The following DENND3 variants were observed in gnomAD, a reference collection of about 807,000 sequenced individuals.
DENND3 encodes the protein DENN domain containing 3.
In DENND3, 88 loss-of-function variants were observed where a neutral mutation model predicts 135.1. The ratio of observed to expected loss-of-function variants is 0.65; its 90% CI spans 0.55 to 0.78. DENND3 has a LOEUF of 0.78. DENND3 is among the 30% of genes least tolerant of loss of function. DENND3 has a pLI of 0.00. For missense variants in DENND3, 1,392 were observed against 1,688.4 expected, an observed-to-expected ratio of 0.82 and a Z score of 3.08; for synonymous variants, 693 against 712.3, an observed-to-expected ratio of 0.97 and a Z score of 0.43.
intron 22 of DENND3, 127 bp from the exon 23 acceptor site, chr8:141,193,906 A>G (rs1312505650): frequency 2.8e-6 from 3 of 1,082,142 alleles, no homozygotes; most frequent in Non-Finnish European, 1.3e-6. Flanking sequence ...CTCAGGCGGC[A>G]GAGGCCCTGT....
Position 141,182,186 on chromosome 8 carries a change from C to T in DENND3, c.2944+1332C>T, listed in dbSNP as rs1319496065. The T allele has an allele frequency of 2.6e-6, 1 of 391,562 alleles. No individual in the cohort carries two copies. The highest frequency in any genetic ancestry group is 2.2e-5 in the African/African-American group (1 of 45,616). The allele number at this position is 391,562 out of a possible 1,614,324, so 24.3% of individuals were successfully genotyped here. A position where few individuals can be genotyped will look rare whatever the true frequency, so the allele number is the denominator to read the frequency against. ...GTCAGGGATGCAGATGTAGGTGTCACCCCCTCTCACAGGCCATGTCCGCGG... is the reference window on the plus strand; with the variant it reads ...GTCAGGGATGCAGATGTAGGTGTCATCCCCTCTCACAGGCCATGTCCGCGG... On this transcript the variant is annotated intron_variant, in intron 17 of 22. Coordinates refer to ENST00000519811, the MANE Select transcript of DENND3 (RefSeq NM_001352890.3). The surrounding 1 kb of genome is among the most constrained non-coding windows in gnomAD (Gnocchi z 5.9).
At position 141,150,844 on chromosome 8, in the gene DENND3, T is replaced by C; in HGVS notation, c.746T>C (p.Met249Thr). 1 of 1,601,164 alleles carries C rather than the reference T, an allele frequency of 6.2e-7. No homozygotes were observed. Among genetic ancestry groups the C allele is most frequent in the Non-Finnish European group, 8.5e-7 (1 of 1,175,900 alleles). ...PPGPLHLVFN[M>T]KSLQIVLPAR... ...AACTGGTTGTCGTAGGTATTTAACA[T>C]GAAGTCGCTCCAGATTGTGTTACCT... The change falls in exon 6 of 23, where the codon ATG (methionine) becomes ACG (threonine). Residue 249 changes from methionine to threonine, a missense_variant. By Grantham distance (81) the Met-to-Thr change is moderately conservative (BLOSUM62 -1). Coordinates refer to ENST00000519811, the MANE Select transcript of DENND3 (RefSeq NM_001352890.3).
intron 8 of DENND3, 87 bp from the exon 9 acceptor site, chr8:141,160,545 G>A (rs181765426): frequency 1.4e-6 from 2 of 1,412,334 alleles, no homozygotes; most frequent in South Asian, 1.6e-5. Context: ...TCTGTGAAGT[G>A]TTCATTTACC....
At chr8:141,151,289 G>A (rs113850187) in intron 6 of DENND3, among the ~76,000 whole-genome samples, 4,169 of 152,214 alleles carry the variant, frequency 0.027, 198 homozygotes, top group African/African-American at 0.094. Flanking sequence ...GGCCGGGTGC[G>A]GTGGCTCATG....
intron 5 of DENND3, among the ~76,000 whole-genome samples, chr8:141,149,931 G>C (rs1247246120): frequency 6.6e-6 from 1 of 152,162 alleles, no homozygotes; most frequent in Admixed American, 6.6e-5. Flanking sequence ...TTGGGAGACT[G>C]GGAGAAAGCA....
At chr8:141,190,667 ACT>A in intron 20 of DENND3, 2 of 465,014 alleles carry the variant, frequency 4.3e-6, no homozygotes, top group Admixed American at 4.3e-5. Context: ...TGGACGCACC[ACT>A]GCTCTCCTGT....
At chr8:141,156,797 T>TG (rs1819497329) in intron 8 of DENND3, among the ~76,000 whole-genome samples, 1 of 146,266 alleles carries the variant, frequency 6.8e-6, no homozygotes. Flanking sequence ...TTTCCTTTTT[T>TG]TTTTTTTTTT....
At chr8:141,142,319 A>G (rs1181934974) in intron 4 of DENND3, 2 of 453,902 alleles carry the variant, frequency 4.4e-6, no homozygotes, top group Admixed American at 4.8e-5. Context: ...AAAGCAGTTA[A>G]CAACAGTTCC....
rs770777552 is a variant in DENND3 at position 141,167,581 on chromosome 8, C to T, written c.1754-423C>T. The stretch of plus-strand genomic sequence containing the variant: ...CCCAGGCTGTGGAAGCCTCGGTTTC[C>T]GCATCTGTAGAACGGGACTATAGTA... On this transcript the variant is annotated intron_variant, in intron 12 of 22. Coordinates refer to ENST00000519811, the MANE Select transcript of DENND3 (RefSeq NM_001352890.3). This position sits in a 1 kb window ranked among gnomAD's most constrained non-coding sequence, Gnocchi z 4.1. Among the ~76,000 whole-genome samples, 6 of 152,272 alleles carry T rather than the reference C, an allele frequency of 3.9e-5. No homozygotes were observed. Among genetic ancestry groups the T allele is most frequent in the Middle Eastern group, 3.4e-3 (1 of 294 alleles).
At chr8:141,153,402 A>G (rs374390341) in intron 7 of DENND3, among the ~76,000 whole-genome samples, 32 of 152,330 alleles carry the variant, frequency 2.1e-4, no homozygotes, top group African/African-American at 7.5e-4. Context: ...CTCCATTTTG[A>G]AAATTTCTAA....
At position 141,195,788 on chromosome 8, in the gene DENND3, A is replaced by G. The variant is rs1040042015; in HGVS notation, c.*1555A>G. ...GGTATCTTCAGCTTGTGGAGAATAA[A>G]TCTGGTTTAATAAACACTGATGTCC... On this transcript the variant is annotated 3_prime_UTR_variant, in exon 23 of 23. Transcript: ENST00000519811. 6.6e-6 allele frequency: 1 copy of G among 152,124 alleles called. No homozygotes were observed. The highest frequency in any genetic ancestry group is 2.4e-5 in the African/African-American group (1 of 41,422). The allele number at this position is 152,124 out of a possible 1,614,324, so 9.4% of individuals were successfully genotyped here. A position where few individuals can be genotyped will look rare whatever the true frequency, so the allele number is the denominator to read the frequency against.
At chr8:141,192,788 CCCT>C (rs1824940254) in intron 22 of DENND3, 125 bp downstream of exon 22, 6 of 1,590,912 alleles carry the variant, frequency 3.8e-6, no homozygotes, top group African/African-American at 2.7e-5. Context: ...CTCAGGGTTC[CCCT>C]CCTAACAGGC....
At chr8:141,177,074 G>T in intron 15 of DENND3, 1 of 341,840 alleles carries the variant, frequency 2.9e-6, no homozygotes. Context: ...GGGGCGGACG[G>T]TGCTGGTGCT....
At position 141,137,073 on chromosome 8, in the gene DENND3, G is replaced by A. The variant is rs1816871171; in HGVS notation, c.385+282G>A. Among the ~76,000 whole-genome samples, 1 of 152,122 alleles carries A rather than the reference G, an allele frequency of 6.6e-6. No individual in the cohort carries two copies. Among genetic ancestry groups the A allele is most frequent in the South Asian group, 2.1e-4 (1 of 4,828 alleles). ...CCTTTCACTTCATCCTCTGCCTCCT[G>A]GGTTCAAGTGATTCTTCTGCGTCAG... On this transcript the variant is annotated intron_variant, in intron 2 of 22. Transcript: ENST00000519811. This position sits in a 1 kb window ranked among gnomAD's most constrained non-coding sequence, Gnocchi z 4.1.
Position 141,168,460 on chromosome 8 carries a change from T to C in DENND3, c.2210T>C (p.Val737Ala). The change falls in exon 13 of 23, where the codon GTC (valine) becomes GCC (alanine). Residue 737 changes from valine to alanine, a missense_variant. By Grantham distance (64) the Val-to-Ala change is moderately conservative. Transcript: ENST00000519811. The surrounding 1 kb of genome is among the most constrained non-coding windows in gnomAD (Gnocchi z 6.2). ...CAGCTGGGCGACTTCATGAAGCGGG[T>C]CCAGGAGTCAGGGATCGTGAAGGAC... ...HMQLGDFMKR[V>A]QESGIVKDAS... 1 of 1,613,600 alleles carries C rather than the reference T, an allele frequency of 6.2e-7. No individual in the cohort carries two copies. Among genetic ancestry groups the C allele is most frequent in the Non-Finnish European group, 8.5e-7 (1 of 1,180,004 alleles).
rs1395879729 is a variant in DENND3 at position 141,128,778 on chromosome 8, C to T, written c.71C>T (p.Ala24Val). 1 of 1,459,400 alleles carries T rather than the reference C, an allele frequency of 6.9e-7. No homozygotes were observed. Among genetic ancestry groups the T allele is most frequent in the Non-Finnish European group, 9.0e-7 (1 of 1,106,214 alleles). The allele number at this position is 1,459,400 out of a possible 1,614,324, so 90.4% of individuals were successfully genotyped here. The change falls in exon 1 of 23, where the codon GCC becomes GTC. Residue 24 changes from alanine to valine, a missense_variant. Physicochemically the swap from Ala to Val is moderately conservative, Grantham distance 64. Coordinates refer to ENST00000519811, the MANE Select transcript of DENND3 (RefSeq NM_001352890.3). This position sits in a 1 kb window ranked among gnomAD's most constrained non-coding sequence, Gnocchi z 4.5. ...CTGGAGCTCTGCGCGCTGCTGGGCG[C>T]CCCCCGGGACAGTCTCCGAAGTCTC... ...GLLELCALLG[A>V]PRDSLRSLEQ...
In DENND3 at chr8:141,146,135, C is replaced by G. The variant is rs1003275571; in HGVS notation, c.735+1876C>G. ...GTGCTGGGATTACAGCGTGAGCCACCGCGCCCGCCCTGGATATTGTATTTC... is the reference window on the plus strand; with the variant it reads ...GTGCTGGGATTACAGCGTGAGCCACGGCGCCCGCCCTGGATATTGTATTTC... On this transcript the variant is annotated intron_variant, in intron 5 of 22. Transcript: ENST00000519811. This position sits in a 1 kb window ranked among gnomAD's most constrained non-coding sequence, Gnocchi z 4.3. Among the ~76,000 whole-genome samples, 1 of 152,124 alleles carries G rather than the reference C, an allele frequency of 6.6e-6. No homozygotes were observed.
intron 13 of DENND3, among the ~76,000 whole-genome samples, chr8:141,172,575 G>C (rs973831927): frequency 6.6e-6 from 1 of 152,210 alleles, no homozygotes; most frequent in Non-Finnish European, 1.5e-5. Context: ...AGCGGCGCAA[G>C]GGGCAGGACC....
intron 1 of DENND3, 48 bp from the exon 2 acceptor site, chr8:141,136,461 A>G (rs1816797141): frequency 6.7e-7 from 1 of 1,492,908 alleles, no homozygotes; most frequent in Non-Finnish European, 8.9e-7. Context: ...GATACCCTCG[A>G]ACAAGAGCTG....
Sources: gnomAD v4.1 joint callset for allele counts (sites outside exome capture counted in the v4.1 genomes callset) on GRCh38, gnomAD v4.1.1 for gene constraint, Gnocchi (gnomAD v3.1) non-coding constraint, MANE v1.5 for transcripts, NCBI Gene and HGNC (gene_info 2026-07-23, HGNC 2026-07-21) for gene names.